The following RRAS2 variants were observed in gnomAD, a reference collection of about 807,000 sequenced individuals.
The protein encoded by RRAS2 is RAS related 2.
RRAS2 carries 7 observed loss-of-function variants against 27.6 expected under a neutral mutation model. The observed-to-expected ratio is 0.25, with a 90% CI of 0.14 to 0.48. The LOEUF (loss-of-function observed/expected upper bound fraction) is 0.48, where lower values mean the gene tolerates loss of function less well. Among genes scored for constraint, RRAS2 ranks in the 20% least tolerant of loss-of-function variants. The pLI is 0.99. For synonymous variants in RRAS2, 86 were observed against 90.9 expected (o/e 0.95, Z 0.31); for missense variants, 178 against 256.2 (o/e 0.69, Z 2.08).
At chr11:14,302,168 C>CAGG (rs1847732498) in intron 1 of RRAS2, among the ~76,000 whole-genome samples, 2 of 151,596 alleles carry the variant, frequency 1.3e-5, no homozygotes, top group South Asian at 4.2e-4. Context: ...AGCTCCTGCT[C>CAGG]AGCTCACCCC....
intron 4 of RRAS2, among the ~76,000 whole-genome samples, chr11:14,284,112 T>C (rs183609738): frequency 7.2e-5 from 11 of 152,304 alleles, no homozygotes; most frequent in Admixed American, 7.2e-4. Flanking sequence ...TCTTATTTCT[T>C]AAGGAAGAAA....
intron 1 of RRAS2, among the ~76,000 whole-genome samples, chr11:14,297,821 A>G (rs187076008): frequency 2.0e-5 from 3 of 152,276 alleles, no homozygotes; most frequent in Middle Eastern, 3.4e-3. Context: ...ACAGAATTCC[A>G]TATCTATAAT....
At chr11:14,306,884 G>A (rs1488886533) in intron 1 of RRAS2, among the ~76,000 whole-genome samples, 1 of 106,086 alleles carries the variant, frequency 9.4e-6, no homozygotes, top group Non-Finnish European at 1.9e-5. Context: ...TATTTTATGT[G>A]CCAAGATAAA....
At chr11:14,356,905 A>T (rs927092540) in intron 1 of RRAS2, 1 of 375,260 alleles carries the variant, frequency 2.7e-6, no homozygotes, top group African/African-American at 2.2e-5. Context: ...CTACTGCCTC[A>T]GCCTCCAGAG....
Position 14,358,688 on chromosome 11 carries a change from G to A in RRAS2, c.108+75C>T, listed in dbSNP as rs1317630063. On this transcript the variant is annotated intron_variant, in intron 1 of 5. Transcript: ENST00000256196. This position sits in a 1 kb window ranked among gnomAD's most constrained non-coding sequence, Gnocchi z 5.1. ...GGCGCCTCTGGGGCGAGGTCGCGGC[G>A]GCCGCCCCGCCACAGGTAGCGCCAG... The A allele has an allele frequency of 2.1e-3, 2,241 of 1,054,418 alleles. 33 individuals carry two copies. In the African/African-American group the frequency reaches 0.035, roughly 16 times the overall value. 65.3% of individuals were successfully genotyped at this position (1,054,418 alleles called of 1,614,324 possible).
At chr11:14,348,334 A>G (rs1554954339) in intron 1 of RRAS2, among the ~76,000 whole-genome samples, 1 of 152,218 alleles carries the variant, frequency 6.6e-6, no homozygotes, top group Non-Finnish European at 1.5e-5. Flanking sequence ...ACTTATGAGA[A>G]CATACTTTGA....
At position 14,279,293 on chromosome 11, in the gene RRAS2, A is replaced by G; in HGVS notation, c.*44T>C. The G allele has an allele frequency of 7.6e-7, 1 of 1,320,188 alleles. No homozygotes were observed. The highest frequency in any genetic ancestry group is 1.1e-6 in the Non-Finnish European group (1 of 912,764). 81.8% of individuals were successfully genotyped at this position (1,320,188 alleles called of 1,614,324 possible). A position where few individuals can be genotyped will look rare whatever the true frequency, so the allele number is the denominator to read the frequency against. On this transcript the variant is annotated 3_prime_UTR_variant, in exon 6 of 6. Transcript: ENST00000256196. ...TGTAAACTGAGGAGAGAAAGAGAAG[A>G]TGAGGGCTTTTCCTGGCCGTTGGTA...
Position 14,281,690 on chromosome 11 carries a change from G to A in RRAS2, c.439C>T (p.Arg147Trp), listed in dbSNP as rs782047286. 35 of 1,597,164 alleles carry A rather than the reference G, an allele frequency of 2.2e-5. No individual in the cohort carries two copies. The highest frequency in any genetic ancestry group is 4.6e-5 in the South Asian group (4 of 86,840). The change falls in exon 5 of 6, where the codon CGG (arginine) becomes TGG (tryptophan). Residue 147 changes from arginine to tryptophan, a missense_variant. Arg to Trp is a moderately radical substitution (Grantham distance 101). Coordinates refer to ENST00000256196, the MANE Select transcript of RRAS2 (RefSeq NM_012250.6). ...VTQEEGQQLARQLKVTYMEAS... is the reference protein window; with the variant it reads ...VTQEEGQQLAWQLKVTYMEAS... ...TCCATGTATGTTACCTTAAGCTGCC[G>A]TGCTAACTGTTGTCCTTCTTCCTGT...
rs1341938974 is a variant in RRAS2 at position 14,278,209 on chromosome 11, C to T, written c.*1128G>A. The T allele has an allele frequency of 6.6e-6, 1 of 152,212 alleles. No homozygotes were observed. The highest frequency in any genetic ancestry group is 2.4e-5 in the African/African-American group (1 of 41,466). The allele number at this position is 152,212 out of a possible 1,614,324, so 9.4% of individuals were successfully genotyped here. A position where few individuals can be genotyped will look rare whatever the true frequency, so the allele number is the denominator to read the frequency against. On this transcript the variant is annotated 3_prime_UTR_variant, in exon 6 of 6. Transcript: ENST00000256196. ...GGAATACTGAAAGTGATTTCAGAGT[C>T]TCATCCTGTTGTACTCTATTGGGAA...
chr11:14,313,863 G>A (rs1554949186), intron 1 of RRAS2, among the ~76,000 whole-genome samples: 2 of 152,278 alleles, frequency 1.3e-5, no homozygotes, highest in East Asian at 3.9e-4. Context: ...CCAAGTTTGA[G>A]GTGGTTTGTT....
chr11:14,357,999 G>T (rs1424075118), intron 1 of RRAS2, among the ~76,000 whole-genome samples: 1 of 152,160 alleles, frequency 6.6e-6, no homozygotes, highest in Admixed American at 6.5e-5. Flanking sequence ...GGGGGTAGGG[G>T]AGAGGGTGGT....
At chr11:14,342,646 GAT>G (rs1407651221) in intron 1 of RRAS2, among the ~76,000 whole-genome samples, 3 of 152,100 alleles carry the variant, frequency 2.0e-5, no homozygotes, top group Non-Finnish European at 4.4e-5. Context: ...TATAGAACAT[GAT>G]ATTATACCTT....
intron 4 of RRAS2, among the ~76,000 whole-genome samples, chr11:14,288,551 C>G (rs1453669354): frequency 6.6e-6 from 1 of 152,154 alleles, no homozygotes; most frequent in Non-Finnish European, 1.5e-5. Flanking sequence ...CCTAGAGGTT[C>G]CTCAACCCAG....
intron 2 of RRAS2, among the ~76,000 whole-genome samples, chr11:14,295,451 C>T (rs1697210349): frequency 6.6e-6 from 1 of 152,156 alleles, no homozygotes; most frequent in African/African-American, 2.4e-5. Context: ...TCCATTTTAA[C>T]CTTTGCCAAA....
In RRAS2 at chr11:14,358,550, A is replaced by G; in HGVS notation, c.108+213T>C. On this transcript the variant is annotated intron_variant, in intron 1 of 5. Transcript: ENST00000256196. This position sits in a 1 kb window ranked among gnomAD's most constrained non-coding sequence, Gnocchi z 5.1. ...CCCGACCACATTCCTGAGAAGCCCT[A>G]CTCCCGCGACGCCGCGCCCGGGAGG... is the stretch of plus-strand genomic sequence containing the variant. 2 of 984,782 alleles carry G rather than the reference A, an allele frequency of 2.0e-6. No homozygotes were observed. Among genetic ancestry groups the G allele is most frequent in the Non-Finnish European group, 2.4e-6 (2 of 830,432 alleles). The allele number at this position is 984,782 out of a possible 1,614,324, so 61.0% of individuals were successfully genotyped here.
chr11:14,312,308 T>G (rs868993084), intron 1 of RRAS2, among the ~76,000 whole-genome samples: 14 of 152,246 alleles, frequency 9.2e-5, no homozygotes, highest in Middle Eastern at 3.2e-3. Context: ...TTCAAGAGCA[T>G]CTATGATATA....
At chr11:14,346,969 A>G (rs1312878754) in intron 1 of RRAS2, among the ~76,000 whole-genome samples, 1 of 152,202 alleles carries the variant, frequency 6.6e-6, no homozygotes, top group African/African-American at 2.4e-5. Flanking sequence ...AGCTTGGGCA[A>G]CAAAATGAGA....
At chr11:14,340,202 G>A (rs1203483585) in intron 1 of RRAS2, among the ~76,000 whole-genome samples, 8 of 151,106 alleles carry the variant, frequency 5.3e-5, no homozygotes, top group Non-Finnish European at 1.2e-4. Flanking sequence ...AGGTTCAAGC[G>A]ATTTCTGCCT....
At chr11:14,314,948 A>G (rs1341206463) in intron 1 of RRAS2, among the ~76,000 whole-genome samples, 1 of 152,132 alleles carries the variant, frequency 6.6e-6, no homozygotes, top group Admixed American at 6.6e-5. Context: ...CAGCCTCCCA[A>G]AGTGCTGGGA....
Sources: gnomAD v4.1 joint callset for allele counts (sites outside exome capture counted in the v4.1 genomes callset) on GRCh38, gnomAD v4.1.1 for gene constraint, Gnocchi (gnomAD v3.1) non-coding constraint, MANE v1.5 for transcripts, NCBI Gene and HGNC (gene_info 2026-07-23, HGNC 2026-07-21) for gene names.